ZNF827: variants seen among roughly 807,000 people sequenced by gnomAD.
ZNF827 encodes the protein zinc finger protein 827.
ZNF827 carries 13 observed loss-of-function variants against 102.4 expected under a neutral mutation model. That is an observed-to-expected ratio of 0.13 (90% CI 0.08 to 0.20). ZNF827 has a LOEUF of 0.20. ZNF827 is among the 10% of genes least tolerant of loss of function. ZNF827 has a pLI of 1.00. For missense variants in ZNF827, 1,103 were observed against 1,344.4 expected (o/e 0.82, Z 2.81); for synonymous variants, 523 against 536.2 (o/e 0.98, Z 0.34).
chr4:145,793,309 A>ATTATATATATTAAATATATAT (rs1560931005), intron 8 of ZNF827, among the ~76,000 whole-genome samples: 11 of 462 alleles, frequency 0.024, no homozygotes, highest in Non-Finnish European at 0.028. Context: ...TCTTATATAT[A>ATTATATATATTAAATATATAT]CTTATATATA....
intron 3 of ZNF827, among the ~76,000 whole-genome samples, chr4:145,888,370 T>C (rs1750302718): frequency 6.6e-6 from 1 of 152,236 alleles, no homozygotes; most frequent in African/African-American, 2.4e-5. Flanking sequence ...CTTAGTCTAC[T>C]AAAATGAAGA....
intron 4 of ZNF827, among the ~76,000 whole-genome samples, chr4:145,871,426 C>A (rs1167585339): frequency 1.3e-5 from 2 of 152,162 alleles, no homozygotes; most frequent in Non-Finnish European, 2.9e-5. Flanking sequence ...CCACACTGTA[C>A]CAGGCCTTCT....
intron 5 of ZNF827, among the ~76,000 whole-genome samples, chr4:145,855,225 T>C (rs1485823255): frequency 6.6e-6 from 1 of 152,204 alleles, no homozygotes; most frequent in Non-Finnish European, 1.5e-5. Flanking sequence ...ACTAGTATTG[T>C]AGAACAAGAA....
chr4:145,823,013 T>C (rs2126490028), intron 8 of ZNF827, among the ~76,000 whole-genome samples: 1 of 152,348 alleles, frequency 6.6e-6, no homozygotes, highest in Middle Eastern at 3.4e-3. Flanking sequence ...GTGGTCTTTG[T>C]GGTGGCCCAC....
rs775701523 is a variant in ZNF827 at position 145,892,285 on chromosome 4, T to A, written c.1224A>T (p.Pro408=). The change falls in exon 3 of 15, where the codon CCA becomes CCT. Residue 408 remains proline (P), a synonymous_variant. Coordinates refer to ENST00000508784, the MANE Select transcript of ZNF827 (RefSeq NM_001306215.2). ...GLKSHQCPLC[P]FRCARKDNLK... ...GATTGTCCTTGCGAGCACACCGGAA[T>A]GGACAGAGCGGACACTGATGACTTT... The A allele has an allele frequency of 6.2e-7, 1 of 1,613,876 alleles. No individual in the cohort carries two copies. The highest frequency in any genetic ancestry group is 1.1e-5 in the South Asian group (1 of 90,980).
chr4:145,880,258 C>T (rs866482819), intron 4 of ZNF827, among the ~76,000 whole-genome samples: 1 of 152,194 alleles, frequency 6.6e-6, no homozygotes, highest in Admixed American at 6.5e-5. Flanking sequence ...AGTTCTACCA[C>T]CTATTCATTG....
At chr4:145,785,091 T>C (rs921366352) in intron 8 of ZNF827, among the ~76,000 whole-genome samples, 1 of 152,188 alleles carries the variant, frequency 6.6e-6, no homozygotes, top group Non-Finnish European at 1.5e-5. Context: ...AGCAAATAGG[T>C]GTGTAGGATT....
chr4:145,824,662 C>T (rs1392631997), intron 7 of ZNF827, among the ~76,000 whole-genome samples: 1 of 152,120 alleles, frequency 6.6e-6, no homozygotes, highest in Non-Finnish European at 1.5e-5. Flanking sequence ...CTCACCAGTG[C>T]CTCTGATTGG....
intron 8 of ZNF827, among the ~76,000 whole-genome samples, chr4:145,816,157 AC>A (rs1742576406): frequency 6.6e-6 from 1 of 152,224 alleles, no homozygotes; most frequent in South Asian, 2.1e-4. Flanking sequence ...GGTGTGGGCC[AC>A]CACATTTGAC....
chr4:145,841,916 G>A (rs1220151708), intron 7 of ZNF827, among the ~76,000 whole-genome samples: 1 of 150,078 alleles, frequency 6.7e-6, no homozygotes, highest in Non-Finnish European at 1.5e-5. Flanking sequence ...AAGTTCTTAG[G>A]ATAAAAAAAA....
At chr4:145,898,809 A>G (rs1561055346) in intron 2 of ZNF827, among the ~76,000 whole-genome samples, 1 of 151,606 alleles carries the variant, frequency 6.6e-6, no homozygotes, top group East Asian at 1.9e-4. Context: ...CTAAAAGACA[A>G]TTTTTTTTTC....
intron 1 of ZNF827, among the ~76,000 whole-genome samples, chr4:145,932,934 A>G (rs576040696): frequency 6.6e-6 from 1 of 152,296 alleles, no homozygotes; most frequent in East Asian, 1.9e-4. Flanking sequence ...AATAGAGGCC[A>G]TTCAGACTCT....
intron 10 of ZNF827, among the ~76,000 whole-genome samples, chr4:145,775,433 T>C (rs570457316): frequency 6.6e-6 from 1 of 152,308 alleles, no homozygotes; most frequent in South Asian, 2.1e-4. Context: ...TCAGCTTTTT[T>C]TTTTTTAAAC....
At chr4:145,936,187 C>G (rs1038106044) in intron 1 of ZNF827, among the ~76,000 whole-genome samples, 3 of 151,994 alleles carry the variant, frequency 2.0e-5, no homozygotes, top group African/African-American at 7.3e-5. Context: ...CCCACACGCC[C>G]CCGACAAGAG....
rs767915040 is a variant in ZNF827, at chr4:145,903,195, C to T, written c.64G>A (p.Ala22Thr). The change falls in exon 2 of 15, where the codon GCG becomes ACG. Residue 22 changes from alanine (A) to threonine (T), a missense_variant. Coordinates refer to ENST00000508784, the MANE Select transcript of ZNF827 (RefSeq NM_001306215.2). ...TCTCCTTCACTGAGCTCTCCCTCCG[C>T]CTCTTCCTGCCTACTAACATCTGGG... ...LPSHVSRQEE[A>T]EGELSEGEHW... 1 of 1,610,068 alleles carries T rather than the reference C, an allele frequency of 6.2e-7. No homozygotes were observed. Among genetic ancestry groups the T allele is most frequent in the Admixed American group, 1.7e-5 (1 of 59,902 alleles).
At chr4:145,814,604 C>CCAAA (rs1427801202) in intron 8 of ZNF827, among the ~76,000 whole-genome samples, 5 of 92,102 alleles carry the variant, frequency 5.4e-5, no homozygotes, top group South Asian at 4.3e-4. Flanking sequence ...GGTCTCACCT[C>CCAAA]CTAACAAACA....
chr4:145,838,431 C>T (rs544533098), intron 7 of ZNF827, among the ~76,000 whole-genome samples: 24 of 152,304 alleles, frequency 1.6e-4, no homozygotes, highest in African/African-American at 5.8e-4. Flanking sequence ...CCCACCTGCA[C>T]CCAGGTGAAA....
At chr4:145,847,587 C>T (rs1441776128) in intron 6 of ZNF827, among the ~76,000 whole-genome samples, 1 of 152,166 alleles carries the variant, frequency 6.6e-6, no homozygotes, top group African/African-American at 2.4e-5. Flanking sequence ...TTGAGGTCTA[C>T]ATCTATCAGC....
At chr4:145,875,269 A>G (rs1322523598) in intron 4 of ZNF827, among the ~76,000 whole-genome samples, 1 of 152,220 alleles carries the variant, frequency 6.6e-6, no homozygotes, top group Non-Finnish European at 1.5e-5. Context: ...AGATGTTATT[A>G]CTATCTTCAT....
Sources: gnomAD v4.1 joint callset for allele counts (sites outside exome capture counted in the v4.1 genomes callset) on GRCh38, gnomAD v4.1.1 for gene constraint, MANE v1.5 for transcripts, NCBI Gene and HGNC (gene_info 2026-07-23, HGNC 2026-07-21) for gene names.